Variants in ELP3 observed in about 807,000 individuals in gnomAD.
ELP3 encodes the protein elongator acetyltransferase complex subunit 3.
A neutral mutation model predicts 74.9 loss-of-function variants in ELP3; 56 were observed. That is an observed-to-expected ratio of 0.75 (90% CI 0.60 to 0.93). The LOEUF is 0.93. ELP3 is among the 40% of genes least tolerant of loss of function. The probability of loss-of-function intolerance (pLI) is 0.00; values close to 1 mark genes in which losing one functional copy is unlikely to be tolerated. For missense variants in ELP3, 573 were observed against 686.5 expected (o/e 0.83, Z 1.85); for synonymous variants, 222 against 239.8 (o/e 0.93, Z 0.68).
At chr8:28,122,031 A>G (rs1377720003) in intron 7 of ELP3, among the ~76,000 whole-genome samples, 2 of 152,114 alleles carry the variant, frequency 1.3e-5, no homozygotes, top group Admixed American at 6.5e-5. Context: ...TCATTAACTC[A>G]TTTGTCTGAT....
intron 6 of ELP3, among the ~76,000 whole-genome samples, chr8:28,111,618 C>G (rs1811919389): frequency 6.6e-6 from 1 of 152,194 alleles, no homozygotes; most frequent in Non-Finnish European, 1.5e-5. Flanking sequence ...CCACATTTTT[C>G]CAAACAGTGG....
intron 7 of ELP3, among the ~76,000 whole-genome samples, chr8:28,124,053 T>C (rs767203371): frequency 1.3e-5 from 2 of 152,234 alleles, no homozygotes; most frequent in Admixed American, 6.5e-5. Flanking sequence ...GTTTGATTTA[T>C]ATCTGCCAGT....
At chr8:28,153,376 T>A (rs1410774094) in intron 10 of ELP3, among the ~76,000 whole-genome samples, 2 of 152,344 alleles carry the variant, frequency 1.3e-5, no homozygotes, top group Non-Finnish European at 2.9e-5. Flanking sequence ...ATTCCATGTG[T>A]TTAATACCTG....
chr8:28,188,864 T>C (rs1815344968), intron 14 of ELP3, among the ~76,000 whole-genome samples: 1 of 152,158 alleles, frequency 6.6e-6, no homozygotes, highest in Non-Finnish European at 1.5e-5. Flanking sequence ...GCCCCTCTGC[T>C]TGCAATTGGT....
At chr8:28,138,911 GA>G (rs1185509892) in intron 10 of ELP3, among the ~76,000 whole-genome samples, 1 of 152,170 alleles carries the variant, frequency 6.6e-6, no homozygotes, top group African/African-American at 2.4e-5. Flanking sequence ...GATTTTAATA[GA>G]AAAATCAACT....
At chr8:28,186,347 A>G (rs1346920479) in intron 14 of ELP3, among the ~76,000 whole-genome samples, 1 of 152,244 alleles carries the variant, frequency 6.6e-6, no homozygotes, top group Non-Finnish European at 1.5e-5. Context: ...CTTAAACCAA[A>G]TGGAAAATAT....
In ELP3 at chr8:28,100,066, A is replaced by C. The variant is rs190616815; in HGVS notation, c.258+100A>C. ...CCGTGTAGTGAGGTAGAGGTTGGGG[A>C]TTCTGAACTAATGAAGTCCCTGTAT... On this transcript the variant is annotated intron_variant, in intron 3 of 14. Coordinates refer to ENST00000256398, the MANE Select transcript of ELP3 (RefSeq NM_018091.6). 9.5e-5 allele frequency: 140 copies of C among 1,472,638 alleles called. No individual in the cohort carries two copies. The Middle Eastern group carries it at 1.5e-3, about 16-fold the overall frequency. The allele number at this position is 1,472,638 out of a possible 1,614,324, so 91.2% of individuals were successfully genotyped here.
At chr8:28,163,368 G>A (rs1814176938) in intron 14 of ELP3, among the ~76,000 whole-genome samples, 1 of 151,826 alleles carries the variant, frequency 6.6e-6, no homozygotes, top group African/African-American at 2.4e-5. Flanking sequence ...GTTGAAATGA[G>A]GTTTTTTAAA....
In ELP3 at chr8:28,132,340, T is replaced by C. The variant is rs1812814853; in HGVS notation, c.842T>C (p.Val281Ala). 6.2e-7 allele frequency: 1 copy of C among 1,614,012 alleles called. No individual in the cohort carries two copies. The highest frequency in any genetic ancestry group is 1.1e-5 in the South Asian group (1 of 91,092). ...CTGGCCAAAGATTCCGGTTTTAAAG[T>C]GGTGGCCCATATGATGCCTGACCTG... The part of the protein sequence containing the change: ...FHLAKDSGFK[V>A]VAHMMPDLPN... The change falls in exon 9 of 15, where the codon GTG becomes GCG. Residue 281 changes from valine to alanine, a missense_variant. By Grantham distance (64) the Val-to-Ala change is moderately conservative (BLOSUM62 0). Transcript: ENST00000256398.
intron 14 of ELP3, among the ~76,000 whole-genome samples, chr8:28,178,851 T>A (rs1814872914): frequency 6.6e-6 from 1 of 152,244 alleles, no homozygotes; most frequent in Non-Finnish European, 1.5e-5. Flanking sequence ...TGATAACTGA[T>A]GATTTTGACT....
intron 9 of ELP3, among the ~76,000 whole-genome samples, chr8:28,133,418 C>CT (rs1269169010): frequency 2.9e-5 from 3 of 103,110 alleles, no homozygotes; most frequent in East Asian, 5.1e-4. Flanking sequence ...TTAAGTCGAT[C>CT]TTTTTTTTCC....
intron 1 of ELP3, 58 bp downstream of exon 1, chr8:28,093,291 G>T: frequency 6.2e-7 from 1 of 1,602,294 alleles, no homozygotes. Context: ...GAACGCCCAG[G>T]CAATCAAATG....
chr8:28,091,723 AAC>A (rs1398746732), upstream of ELP3, among the ~76,000 whole-genome samples: 4 of 152,300 alleles, frequency 2.6e-5, no homozygotes, highest in African/African-American at 7.2e-5. Context: ...ACGTAAACCA[AAC>A]AGTGTCTGAG....
upstream of ELP3, chr8:28,090,402 T>A (rs181329659): frequency 1.1e-5 from 4 of 351,646 alleles, no homozygotes; most frequent in East Asian, 2.5e-4. Flanking sequence ...CTCCATAGTC[T>A]GGTGAGTGTA....
Position 28,100,516 on chromosome 8 carries a change from G to A in ELP3, c.258+550G>A, listed in dbSNP as rs551826472. On this transcript the variant is annotated intron_variant, in intron 3 of 14. Transcript: ENST00000256398. ...CAGAGGTAGAAATGACAGGAAGGGC[G>A]TGGTGCACGCAGGAAATAGCGAGTA... is the stretch of plus-strand genomic sequence containing the variant. 5.3e-5 allele frequency among the ~76,000 whole-genome samples: 8 copies of A among 152,350 alleles called. No individual in the cohort carries two copies. In the South Asian group the frequency reaches 6.2e-4, roughly 12 times the overall value.
chr8:28,134,179 T>C (rs1370800103), intron 9 of ELP3, among the ~76,000 whole-genome samples: 1 of 152,148 alleles, frequency 6.6e-6, no homozygotes, highest in Non-Finnish European at 1.5e-5. Flanking sequence ...CACTGTTCTT[T>C]AGCACAGCTC....
At chr8:28,180,007 G>A (rs1814937480) in intron 14 of ELP3, among the ~76,000 whole-genome samples, 2 of 152,128 alleles carry the variant, frequency 1.3e-5, no homozygotes, top group Admixed American at 1.3e-4. Context: ...CTGTCTTTGA[G>A]GATATTCCCT....
intron 12 of ELP3, 64 bp downstream of exon 12, chr8:28,158,697 C>T: frequency 1.5e-6 from 2 of 1,322,894 alleles, no homozygotes; most frequent in East Asian, 4.6e-5. Flanking sequence ...ACCCTGGGCC[C>T]ACATATTCTT....
intron 7 of ELP3, among the ~76,000 whole-genome samples, chr8:28,127,061 G>C (rs970616114): frequency 6.6e-6 from 1 of 151,874 alleles, no homozygotes; most frequent in African/African-American, 2.4e-5. Flanking sequence ...CATTTCTGTT[G>C]CTGCAAAAGG....
Sources: allele counts gnomAD v4.1 joint callset (sites outside exome capture counted in the v4.1 genomes callset), GRCh38; gene constraint gnomAD v4.1.1; transcripts MANE v1.5; gene names NCBI Gene and HGNC (gene_info 2026-07-23, HGNC 2026-07-21).